The following HTT-AS variants were observed in gnomAD, a reference collection of about 807,000 sequenced individuals.
The protein encoded by HTT-AS is HTT antisense RNA.
chr4:3,062,854 T>C (rs1331839062), exon 2 of HTT-AS, among the ~76,000 whole-genome samples: 1 of 152,066 alleles, frequency 6.6e-6, no homozygotes, highest in Non-Finnish European at 1.5e-5. Context: ...CCAAGCAGCA[T>C]TGCAAGCCAT....
downstream of HTT-AS, among the ~76,000 whole-genome samples, chr4:3,048,134 A>C (rs1206021057): frequency 1.3e-5 from 2 of 151,650 alleles, no homozygotes. Context: ...CTTTTCTTCT[A>C]TCTCTTTGTC....
chr4:3,073,227 A>C (rs965910620), intron 1 of HTT-AS, among the ~76,000 whole-genome samples: 10 of 152,184 alleles, frequency 6.6e-5, no homozygotes, highest in Admixed American at 2.0e-4. Flanking sequence ...GCCTGGCTAA[A>C]GTAGGCTTTA....
rs118098331 is a variant in HTT-AS, at chr4:3,071,763, A to G, written n.113+2663T>C. Among the ~76,000 whole-genome samples the G allele has an allele frequency of 3.9e-5, 6 of 152,264 alleles. No individual in the cohort carries two copies. The East Asian group carries it at 1.2e-3, about 29-fold the overall frequency. ...TGGGCCATAATCCGACTGATGTCTTACAAGAAGAGATTAGGACACGGACAT... is the reference window on the plus strand; with the variant it reads ...TGGGCCATAATCCGACTGATGTCTTGCAAGAAGAGATTAGGACACGGACAT... On this transcript the variant is annotated intron_variant and non_coding_transcript_variant, in intron 1 of 2. Transcript: ENST00000664062.
intron 1 of HTT-AS, among the ~76,000 whole-genome samples, chr4:3,074,169 C>T (rs1486156801): frequency 7.4e-6 from 1 of 135,792 alleles, no homozygotes; most frequent in East Asian, 2.3e-4. Flanking sequence ...CCCGCTCCGC[C>T]CCTCAGCCGC....
intron 1 of HTT-AS, among the ~76,000 whole-genome samples, chr4:3,069,717 C>T (rs941395326): frequency 2.6e-5 from 4 of 152,200 alleles, no homozygotes; most frequent in Non-Finnish European, 5.9e-5. Context: ...CGCTGTCCTG[C>T]GCCTCAGCCA....
At chr4:3,063,040 C>T (rs1025029719) in exon 2 of HTT-AS, among the ~76,000 whole-genome samples, 3 of 152,076 alleles carry the variant, frequency 2.0e-5, no homozygotes, top group Non-Finnish European at 4.4e-5. Flanking sequence ...GGGTTGGAGC[C>T]TTTAGTAGGG....
chr4:3,073,501 C>G (rs1283137318), intron 1 of HTT-AS, among the ~76,000 whole-genome samples: 1 of 152,240 alleles, frequency 6.6e-6, no homozygotes, highest in African/African-American at 2.4e-5. Flanking sequence ...GGTGCACTCC[C>G]ATAAAGAAAC....
chr4:3,072,056 T>C (rs142331815), intron 1 of HTT-AS, among the ~76,000 whole-genome samples: 16 of 152,348 alleles, frequency 1.1e-4, no homozygotes, highest in Non-Finnish European at 2.1e-4. Context: ...CATAGAGTTA[T>C]ATGTAGTTAC....
intron 1 of HTT-AS, chr4:3,069,972 T>C (rs1379545222): frequency 3.3e-5 from 5 of 152,302 alleles, no homozygotes; most frequent in African/African-American, 9.7e-5. Flanking sequence ...CCCGCGTGCA[T>C]CCCACCTGGT....
chr4:3,049,997 G>A (rs1445474384), intron 2 of HTT-AS, among the ~76,000 whole-genome samples: 1 of 148,228 alleles, frequency 6.7e-6, no homozygotes, highest in Non-Finnish European at 1.5e-5. Flanking sequence ...CCAGGCTGGA[G>A]TGCAGCGGTG....
At chr4:3,053,887 G>A (rs1300191706) in intron 2 of HTT-AS, among the ~76,000 whole-genome samples, 2 of 151,692 alleles carry the variant, frequency 1.3e-5, no homozygotes, top group Admixed American at 6.6e-5. Flanking sequence ...AGCCTCCCGA[G>A]TAGCTTGGAT....
chr4:3,072,489 G>A (rs952017058), intron 1 of HTT-AS, among the ~76,000 whole-genome samples: 1 of 152,230 alleles, frequency 6.6e-6, no homozygotes, highest in Non-Finnish European at 1.5e-5. Context: ...CTCACGGGGA[G>A]GGGTCATACA....
intron 2 of HTT-AS, among the ~76,000 whole-genome samples, chr4:3,054,878 CTAA>C (rs909679896): frequency 6.6e-6 from 1 of 151,916 alleles, no homozygotes; most frequent in Non-Finnish European, 1.5e-5. Flanking sequence ...GCACGCCTGG[CTAA>C]TGTTTGTATT....
intron 1 of HTT-AS, among the ~76,000 whole-genome samples, chr4:3,070,614 G>C (rs1366271643): frequency 5.9e-5 from 9 of 152,118 alleles, no homozygotes; most frequent in Non-Finnish European, 1.3e-4. Flanking sequence ...TGTGTACGCT[G>C]TTTTTTCTTT....
intron 2 of HTT-AS, among the ~76,000 whole-genome samples, chr4:3,050,661 AG>A (rs1291092371): frequency 2.0e-5 from 3 of 152,244 alleles, no homozygotes; most frequent in Non-Finnish European, 2.9e-5. Context: ...TATGATTTAC[AG>A]TAACTTAACC....
chr4:3,067,681 G>C (rs1213960168), intron 1 of HTT-AS, among the ~76,000 whole-genome samples: 1 of 152,134 alleles, frequency 6.6e-6, no homozygotes, highest in African/African-American at 2.4e-5. Flanking sequence ...CAGGCTGTGG[G>C]GAATGTCTTT....
downstream of HTT-AS, among the ~76,000 whole-genome samples, chr4:3,047,658 G>A (rs1471758541): frequency 2.0e-5 from 3 of 152,164 alleles, no homozygotes; most frequent in African/African-American, 4.8e-5. Context: ...TTTGGCCAGG[G>A]GAGAGGGGCG....
At chr4:3,062,644 T>C (rs1483958691) in exon 2 of HTT-AS, among the ~76,000 whole-genome samples, 1 of 151,942 alleles carries the variant, frequency 6.6e-6, no homozygotes, top group East Asian at 1.9e-4. Context: ...TCCTGGCCCC[T>C]TTCTCTTCTG....
intron 2 of HTT-AS, among the ~76,000 whole-genome samples, chr4:3,054,769 C>G (rs1711776275): frequency 6.6e-6 from 1 of 151,100 alleles, no homozygotes; most frequent in Non-Finnish European, 1.5e-5. Flanking sequence ...GGCTGGAGTG[C>G]AGTGGTGCAC....
Sources: allele counts gnomAD v4.1 joint callset (sites outside exome capture counted in the v4.1 genomes callset), GRCh38; gene constraint gnomAD v4.1.1; transcripts MANE v1.5; gene names NCBI Gene and HGNC (gene_info 2026-07-23, HGNC 2026-07-21).